The following RBM6 variants were observed in gnomAD, a reference collection of about 807,000 sequenced individuals.
The protein encoded by RBM6 is RNA binding motif protein 6.
RBM6 carries 23 observed loss-of-function variants against 140.4 expected under a neutral mutation model. The ratio of observed to expected loss-of-function variants is 0.16; its 90% CI spans 0.12 to 0.23. RBM6 has a LOEUF of 0.23. RBM6 is among the 10% of genes least tolerant of loss of function. RBM6 has a pLI of 1.00. For missense variants in RBM6, 1,139 were observed against 1,386.7 expected, an observed-to-expected ratio of 0.82 and a Z score of 2.84; for synonymous variants, 439 against 475.6, an observed-to-expected ratio of 0.92 and a Z score of 1.00.
intron 6 of RBM6, among the ~76,000 whole-genome samples, chr3:50,019,254 A>G (rs1035928019): frequency 6.6e-6 from 1 of 151,910 alleles, no homozygotes; most frequent in African/African-American, 2.4e-5. Context: ...TGAACTCCTG[A>G]CCTTAGGTGA....
At chr3:49,999,952 T>A (rs2086248896) in intron 6 of RBM6, among the ~76,000 whole-genome samples, 3 of 152,128 alleles carry the variant, frequency 2.0e-5, no homozygotes, top group Non-Finnish European at 2.9e-5. Context: ...TTCTGTGGCA[T>A]CAGATCCTGC....
intron 6 of RBM6, among the ~76,000 whole-genome samples, chr3:50,021,249 A>G (rs531413512): frequency 1.3e-5 from 2 of 152,292 alleles, no homozygotes; most frequent in South Asian, 2.1e-4. Context: ...TGCATGTATC[A>G]TCTATCTGTG....
intron 6 of RBM6, among the ~76,000 whole-genome samples, chr3:50,046,888 G>A (rs1168764243): frequency 3.9e-5 from 6 of 152,184 alleles, no homozygotes; most frequent in Admixed American, 1.3e-4. Flanking sequence ...GTGAACATAG[G>A]TCCTCATCTG....
intron 1 of RBM6, among the ~76,000 whole-genome samples, chr3:49,941,842 A>G (rs1189644337): frequency 6.6e-6 from 1 of 151,234 alleles, no homozygotes; most frequent in Admixed American, 6.6e-5. Context: ...TGCTGGGATT[A>G]CAGGCGTGAG....
chr3:50,047,090 T>A, intron 6 of RBM6: 2 of 892,560 alleles, frequency 2.2e-6, no homozygotes, highest in South Asian at 1.0e-4. Context: ...ATGGGCAATT[T>A]TCCTTGGTTT....
At chr3:49,975,171 T>C (rs1385196862) in intron 4 of RBM6, 152 bp from the exon 5 acceptor site, 1 of 663,528 alleles carries the variant, frequency 1.5e-6, no homozygotes, top group Non-Finnish European at 2.7e-6. Context: ...ACTCATTCAA[T>C]ATGTGAATGC....
chr3:50,045,592 A>G (rs2089180784), intron 6 of RBM6, among the ~76,000 whole-genome samples: 1 of 152,208 alleles, frequency 6.6e-6, no homozygotes, highest in African/African-American at 2.4e-5. Flanking sequence ...TCTGATGTGT[A>G]GTGACCATTC....
chr3:49,955,001 C>T (rs1479735260), intron 1 of RBM6, among the ~76,000 whole-genome samples: 1 of 151,936 alleles, frequency 6.6e-6, no homozygotes, highest in African/African-American at 2.4e-5. Flanking sequence ...CCTCGTGATC[C>T]GCCTGCCTAG....
intron 2 of RBM6, among the ~76,000 whole-genome samples, chr3:49,963,742 T>A (rs537928920): frequency 6.6e-6 from 1 of 152,192 alleles, no homozygotes; most frequent in Middle Eastern, 3.2e-3. Flanking sequence ...TAACTAGTAT[T>A]TAAACATTTT....
intron 20 of RBM6, among the ~76,000 whole-genome samples, chr3:50,076,742 C>T (rs970822019): frequency 1.6e-4 from 24 of 151,566 alleles, no homozygotes; most frequent in African/African-American, 4.4e-4. Flanking sequence ...AAAAATTAGC[C>T]GGGCGTGGTG....
chr3:50,023,236 T>A (rs2087609868), intron 6 of RBM6, among the ~76,000 whole-genome samples: 1 of 152,196 alleles, frequency 6.6e-6, no homozygotes, highest in African/African-American at 2.4e-5. Flanking sequence ...TTCTTCTTCT[T>A]TCTTCTTTTT....
At chr3:50,012,308 G>T (rs573299537) in intron 6 of RBM6, among the ~76,000 whole-genome samples, 1 of 151,670 alleles carries the variant, frequency 6.6e-6, no homozygotes, top group African/African-American at 2.4e-5. Flanking sequence ...TTGGTTTCCC[G>T]AAGTGCTGGG....
chr3:50,056,284 A>G (rs1378960498), intron 8 of RBM6, among the ~76,000 whole-genome samples: 3 of 151,766 alleles, frequency 2.0e-5, no homozygotes, highest in Admixed American at 2.0e-4. Context: ...ATGAATAGAT[A>G]GTTTTTTGTT....
chr3:49,985,142 T>C (rs976622365), intron 5 of RBM6, among the ~76,000 whole-genome samples: 2 of 152,252 alleles, frequency 1.3e-5, no homozygotes, highest in Non-Finnish European at 2.9e-5. Context: ...CTATGCCTTT[T>C]GGTAGTTAGA....
At chr3:49,976,205 TC>T (rs2085056167) in intron 5 of RBM6, among the ~76,000 whole-genome samples, 1 of 152,176 alleles carries the variant, frequency 6.6e-6, no homozygotes, top group African/African-American at 2.4e-5. Flanking sequence ...GTTAAAGACA[TC>T]TTCAAGTAAG....
chr3:50,014,124 T>C lies in RBM6; in HGVS notation c.1557+14611T>C, dbSNP rs376286230. On this transcript the variant is annotated intron_variant, in intron 6 of 20. Coordinates refer to ENST00000266022, the MANE Select transcript of RBM6 (RefSeq NM_005777.3). The stretch of plus-strand genomic sequence containing the variant: ...ATGACCTGGCTTGCCGTGGATTGTC[T>C]TATAATAATCAGTTATCTCTTTCCT... Among the ~76,000 whole-genome samples the C allele has an allele frequency of 1.2e-4, 18 of 152,346 alleles. No homozygotes were observed. The East Asian group carries it at 2.3e-3, about 20-fold the overall frequency.
intron 6 of RBM6, among the ~76,000 whole-genome samples, chr3:50,031,472 T>G (rs2088155862): frequency 6.6e-6 from 1 of 151,662 alleles, no homozygotes; most frequent in Non-Finnish European, 1.5e-5. Context: ...CTGAGCAAAC[T>G]ATCTAAGGGC....
chr3:49,990,524 A>G (rs2085771564), intron 5 of RBM6, among the ~76,000 whole-genome samples: 1 of 152,252 alleles, frequency 6.6e-6, no homozygotes, highest in Non-Finnish European at 1.5e-5. Context: ...CTGTAATTAA[A>G]ACACTATTGT....
chr3:50,028,035 G>A (rs921150190), intron 6 of RBM6, among the ~76,000 whole-genome samples: 1 of 148,840 alleles, frequency 6.7e-6, no homozygotes, highest in African/African-American at 2.5e-5. Flanking sequence ...TTCTCTCTTG[G>A]GCTGTGTTTG....
Sources: gnomAD v4.1 joint callset for allele counts (sites outside exome capture counted in the v4.1 genomes callset) on GRCh38, gnomAD v4.1.1 for gene constraint, MANE v1.5 for transcripts, NCBI Gene and HGNC (gene_info 2026-07-23, HGNC 2026-07-21) for gene names.